Variants in CDK14 observed in about 807,000 individuals in gnomAD.
CDK14 encodes the protein cyclin-dependent kinase 14.
Under a neutral mutation model 60.7 loss-of-function variants are expected in CDK14, and 34 were observed. The observed-to-expected ratio is 0.56, with a 90% CI of 0.43 to 0.75. The LOEUF (loss-of-function observed/expected upper bound fraction) is 0.75, where lower values mean the gene tolerates loss of function less well. CDK14 is among the 30% of genes least tolerant of loss of function. CDK14 has a pLI of 0.00. For missense variants in CDK14, 482 were observed against 564.1 expected, an observed-to-expected ratio of 0.85 and a Z score of 1.47; for synonymous variants, 197 against 203.7, an observed-to-expected ratio of 0.97 and a Z score of 0.28.
intron 14 of CDK14, among the ~76,000 whole-genome samples, chr7:91,172,422 C>G (rs1584162787): frequency 6.6e-6 from 1 of 152,180 alleles, no homozygotes; most frequent in South Asian, 2.1e-4. Flanking sequence ...CCCTCTTTAT[C>G]CTTCATCTGC....
chr7:90,658,770 G>GT (rs1276267405), intron 2 of CDK14, among the ~76,000 whole-genome samples: 12 of 152,092 alleles, frequency 7.9e-5, no homozygotes, highest in Admixed American at 4.6e-4. Flanking sequence ...CCATACATAG[G>GT]TTTTTTTATG....
Position 90,726,775 on chromosome 7 carries a change from A to T in CDK14, c.332A>T (p.Glu111Val). 1 of 1,613,666 alleles carries T rather than the reference A, an allele frequency of 6.2e-7. No homozygotes were observed. The highest frequency in any genetic ancestry group is 8.5e-7 in the Non-Finnish European group (1 of 1,179,776). ...INFKTSSTGK[E>V]SPKVRRHSSP... ...TTTAAGACCTCCTCCACTGGCAAAG[A>T]GTCACCTAAAGTTAGGCGGCACTCC... The change falls in exon 3 of 15, where the codon GAG becomes GTG. Residue 111 changes from glutamate (E) to valine (V), a missense_variant. Physicochemically the swap from Glu to Val is moderately radical, Grantham distance 121. Coordinates refer to ENST00000380050, the MANE Select transcript of CDK14 (RefSeq NM_001287135.2).
In CDK14 at chr7:91,084,941, T is replaced by A. The variant is rs188949057; in HGVS notation, c.1154+5461T>A. On this transcript the variant is annotated intron_variant, in intron 12 of 14. Transcript: ENST00000380050. Reference sequence around the variant, plus strand: ...GTGGCACAGAGCTTCTAGAGGCAGCTGGGCTGCTCATTTCCCTGAAAGGAG... The same window carrying A: ...GTGGCACAGAGCTTCTAGAGGCAGCAGGGCTGCTCATTTCCCTGAAAGGAG... 3.3e-5 allele frequency among the ~76,000 whole-genome samples: 5 copies of A among 152,348 alleles called. No homozygotes were observed. In the South Asian group the frequency reaches 6.2e-4, roughly 19 times the overall value.
chr7:90,784,882 A>G (rs149322818), intron 4 of CDK14, among the ~76,000 whole-genome samples: 1 of 152,340 alleles, frequency 6.6e-6, no homozygotes, highest in East Asian at 1.9e-4. Flanking sequence ...TTTAACTAGC[A>G]TATAAAGAGG....
At chr7:90,754,552 G>A (rs1188362018) in intron 4 of CDK14, among the ~76,000 whole-genome samples, 2 of 152,036 alleles carry the variant, frequency 1.3e-5, no homozygotes, top group African/African-American at 2.4e-5. Flanking sequence ...AGGAAACATC[G>A]TCTGAGCATC....
chr7:90,613,315 T>C (rs1413880752), intron 2 of CDK14, among the ~76,000 whole-genome samples: 1 of 152,208 alleles, frequency 6.6e-6, no homozygotes, highest in African/African-American at 2.4e-5. Flanking sequence ...TGCATCCTGG[T>C]GGCAGGCTGT....
At chr7:90,669,618 C>T (rs1801059002) in intron 2 of CDK14, among the ~76,000 whole-genome samples, 1 of 152,194 alleles carries the variant, frequency 6.6e-6, no homozygotes, top group Non-Finnish European at 1.5e-5. Flanking sequence ...GAGACAGATT[C>T]TTAACTATCA....
intron 6 of CDK14, among the ~76,000 whole-genome samples, chr7:90,870,332 G>T (rs1791331691): frequency 6.6e-6 from 1 of 152,122 alleles, no homozygotes; most frequent in Admixed American, 6.5e-5. Flanking sequence ...CACACACTGG[G>T]GTGTGCCAGA....
chr7:91,060,028 G>T (rs28865872), intron 11 of CDK14, among the ~76,000 whole-genome samples: 10 of 152,126 alleles, frequency 6.6e-5, no homozygotes, highest in East Asian at 3.9e-4. Context: ...CATTATTATT[G>T]TGTGGGAGTC....
Position 91,145,282 on chromosome 7 carries a change from CTT to C in CDK14, c.*28+27081_*28+27082del, listed in dbSNP as rs1001201859. Among the ~76,000 whole-genome samples the C allele has an allele frequency of 3.3e-4, 50 of 152,116 alleles. 1 individual carries two copies. The highest frequency in any genetic ancestry group is 1.2e-3 in the African/African-American group (50 of 41,506). Reference sequence around the variant, plus strand: ...ATAGTGCCTTATTTCTTTAGACATACTTTTTTTTAGAGGGCTGAAATTTAAAT... The same window carrying C: ...ATAGTGCCTTATTTCTTTAGACATACTTTTTTAGAGGGCTGAAATTTAAAT... On this transcript the variant is annotated intron_variant, in intron 14 of 14. Transcript: ENST00000380050.
rs543012475 is a variant in CDK14, at chr7:90,995,481, C to T, written c.1041+11240C>T. ...ACTGTAAGATAATAAGTGTTTGTTA[C>T]TTAAAGCCACTGGGTTTTGTAGTAA... On this transcript the variant is annotated intron_variant, in intron 10 of 14. Transcript: ENST00000380050. 5.9e-5 allele frequency among the ~76,000 whole-genome samples: 9 copies of T among 152,284 alleles called. 1 individual carries two copies. In the South Asian group the frequency reaches 1.9e-3, roughly 32 times the overall value.
intron 2 of CDK14, among the ~76,000 whole-genome samples, chr7:90,683,904 G>C (rs2116567788): frequency 7.8e-6 from 1 of 127,530 alleles, no homozygotes; most frequent in African/African-American, 2.9e-5. Context: ...GTACGTGTGT[G>C]TGTGTGTGTG....
chr7:90,712,905 A>G (rs955964936), intron 2 of CDK14, among the ~76,000 whole-genome samples: 2 of 152,200 alleles, frequency 1.3e-5, no homozygotes, highest in South Asian at 2.1e-4. Flanking sequence ...TAGAGCTGGC[A>G]GGTACTTTAG....
chr7:90,766,521 A>G lies in CDK14; in HGVS notation c.464+18746A>G, dbSNP rs562911875. ...CCCATAAAGTTTGAGTAATTTGCCTACAATCACACAGCTAAGTTCCAGGGC... is the reference window on the plus strand; with the variant it reads ...CCCATAAAGTTTGAGTAATTTGCCTGCAATCACACAGCTAAGTTCCAGGGC... On this transcript the variant is annotated intron_variant, in intron 4 of 14. Transcript: ENST00000380050. 6.6e-5 allele frequency among the ~76,000 whole-genome samples: 10 copies of G among 152,302 alleles called. No homozygotes were observed. The East Asian group carries it at 9.7e-4, about 15-fold the overall frequency.
At chr7:90,903,866 AG>A (rs1332544437) in intron 7 of CDK14, among the ~76,000 whole-genome samples, 3 of 152,180 alleles carry the variant, frequency 2.0e-5, no homozygotes, top group Admixed American at 6.6e-5. Flanking sequence ...TACTTTAAAA[AG>A]TATCTTTACG....
intron 9 of CDK14, among the ~76,000 whole-genome samples, chr7:90,959,319 A>G (rs910105023): frequency 1.3e-5 from 2 of 152,132 alleles, no homozygotes; most frequent in Non-Finnish European, 2.9e-5. Flanking sequence ...TCTATGGTAC[A>G]CCTGCCTGTC....
intron 14 of CDK14, among the ~76,000 whole-genome samples, chr7:91,156,992 G>A (rs968919389): frequency 6.6e-6 from 1 of 152,104 alleles, no homozygotes; most frequent in African/African-American, 2.4e-5. Context: ...ATGTCTCTAG[G>A]AATTAAATTC....
At chr7:90,844,064 A>G (rs1031280162) in intron 5 of CDK14, among the ~76,000 whole-genome samples, 10 of 152,200 alleles carry the variant, frequency 6.6e-5, no homozygotes, top group African/African-American at 2.4e-4. Context: ...TACTCCTTGG[A>G]GTGTCCTTGG....
chr7:90,949,936 A>T (rs2374375), intron 8 of CDK14, among the ~76,000 whole-genome samples: 81,620 of 151,972 alleles, frequency 0.54, 22,420 homozygotes, highest in East Asian at 0.7. Context: ...GAAAGGATAC[A>T]CTTCCTATTA....
Sources: gnomAD v4.1 joint callset for allele counts (sites outside exome capture counted in the v4.1 genomes callset) on GRCh38, gnomAD v4.1.1 for gene constraint, MANE v1.5 for transcripts, NCBI Gene and HGNC (gene_info 2026-07-23, HGNC 2026-07-21) for gene names.